Variants in KCNQ3 observed in about 807,000 individuals in gnomAD.
KCNQ3 encodes the protein potassium voltage-gated channel subfamily KQT member 3.
In KCNQ3, 30 loss-of-function variants were observed where a neutral mutation model predicts 92.5. That is an observed-to-expected ratio of 0.32 (90% CI 0.24 to 0.44). The LOEUF (loss-of-function observed/expected upper bound fraction) is 0.44, where lower values mean the gene tolerates loss of function less well. Among genes scored for constraint, KCNQ3 ranks in the 20% least tolerant of loss-of-function variants. The pLI is 1.00. For synonymous variants in KCNQ3, 450 were observed against 468.8 expected, an observed-to-expected ratio of 0.96 and a Z score of 0.52; for missense variants, 913 against 1,140.3, an observed-to-expected ratio of 0.80 and a Z score of 2.87.
chr8:132,463,738 G>C (rs1319010553), intron 1 of KCNQ3, among the ~76,000 whole-genome samples: 1 of 152,146 alleles, frequency 6.6e-6, no homozygotes, highest in African/African-American at 2.4e-5. Flanking sequence ...ACTTTATCAT[G>C]CTCTAGGACA....
chr8:132,209,372 A>C (rs1411375806), intron 1 of KCNQ3, among the ~76,000 whole-genome samples: 1 of 152,164 alleles, frequency 6.6e-6, no homozygotes, highest in Non-Finnish European at 1.5e-5. Context: ...AGCCTAACAC[A>C]GACTGAATGG....
In KCNQ3 at chr8:132,339,822, C is replaced by A. The variant is rs756932995; in HGVS notation, c.386+140325G>T. Among the ~76,000 whole-genome samples the A allele has an allele frequency of 3.3e-5, 5 of 151,962 alleles. No homozygotes were observed. In the East Asian group the frequency reaches 7.7e-4, roughly 23 times the overall value. On this transcript the variant is annotated intron_variant, in intron 1 of 14. Coordinates refer to ENST00000388996, the MANE Select transcript of KCNQ3 (RefSeq NM_004519.4). ...CATTCCCCAAAGCCTGGAATCCTGG[C>A]GACACCCAGACCCTGGGAACAGAGA...
At chr8:132,407,775 C>T (rs1383619836) in intron 1 of KCNQ3, among the ~76,000 whole-genome samples, 1 of 152,162 alleles carries the variant, frequency 6.6e-6, no homozygotes, top group African/African-American at 2.4e-5. Context: ...GTGCTGCCTC[C>T]CCAGAGTCTA....
chr8:132,130,105 C>T (rs528065765), intron 14 of KCNQ3, 109 bp from the exon 15 acceptor site: 74 of 1,172,366 alleles, frequency 6.3e-5, no homozygotes, highest in East Asian at 3.7e-4. Context: ...TTTTTTGAGA[C>T]GAAGTCTCAG....
At chr8:132,226,976 G>T (rs1367359219) in intron 1 of KCNQ3, among the ~76,000 whole-genome samples, 3 of 151,906 alleles carry the variant, frequency 2.0e-5, no homozygotes, top group African/African-American at 4.8e-5. Flanking sequence ...ATCTCAGAGA[G>T]CTTAAGTCAC....
At chr8:132,359,433 G>C (rs1819106267) in intron 1 of KCNQ3, among the ~76,000 whole-genome samples, 1 of 152,112 alleles carries the variant, frequency 6.6e-6, no homozygotes, top group Non-Finnish European at 1.5e-5. Flanking sequence ...GTGTCCTGCT[G>C]GGTGCTCCAG....
At chr8:132,382,425 T>C (rs1819776516) in intron 1 of KCNQ3, among the ~76,000 whole-genome samples, 1 of 152,124 alleles carries the variant, frequency 6.6e-6, no homozygotes, top group Admixed American at 6.5e-5. Context: ...CCTTCCCACT[T>C]CCGCATGAGT....
At chr8:132,146,458 A>T (rs573932805) in intron 9 of KCNQ3, among the ~76,000 whole-genome samples, 22 of 152,326 alleles carry the variant, frequency 1.4e-4, no homozygotes, top group African/African-American at 5.3e-4. Context: ...CAGAAAGTAG[A>T]ATGGTGGTTT....
rs1300639778 is a variant in KCNQ3 at position 132,126,835 on chromosome 8, C to A, written c.*2427G>T. 6.6e-6 allele frequency: 1 copy of A among 152,084 alleles called. No individual in the cohort carries two copies. The highest frequency in any genetic ancestry group is 6.6e-5 in the Admixed American group (1 of 15,262). The allele number at this position is 152,084 out of a possible 1,614,324, so 9.4% of individuals were successfully genotyped here. ...ATGGTAAATACTTTAAGGTAGAACT[C>A]CATTGAGTTGCTGGAAAATGCATCA... On this transcript the variant is annotated 3_prime_UTR_variant, in exon 15 of 15. Coordinates refer to ENST00000388996, the MANE Select transcript of KCNQ3 (RefSeq NM_004519.4).
intron 1 of KCNQ3, among the ~76,000 whole-genome samples, chr8:132,326,470 C>T (rs918114674): frequency 6.6e-6 from 1 of 152,200 alleles, no homozygotes; most frequent in African/African-American, 2.4e-5. Context: ...CCCTCATCCA[C>T]AGCTACAGTT....
chr8:132,241,037 C>T (rs62520360), intron 1 of KCNQ3, among the ~76,000 whole-genome samples: 67 of 151,690 alleles, frequency 4.4e-4, no homozygotes, highest in Non-Finnish European at 2.4e-4. Context: ...TACAGGCACA[C>T]GCCACCATGC....
At chr8:132,348,389 T>C (rs1818759271) in intron 1 of KCNQ3, among the ~76,000 whole-genome samples, 1 of 152,278 alleles carries the variant, frequency 6.6e-6, no homozygotes, top group South Asian at 2.1e-4. Flanking sequence ...AAATAGTATT[T>C]ACATTAGAAT....
At chr8:132,326,950 T>C (rs528940355) in intron 1 of KCNQ3, among the ~76,000 whole-genome samples, 1 of 152,378 alleles carries the variant, frequency 6.6e-6, no homozygotes, top group Admixed American at 6.5e-5. Context: ...TTTCCCTGTT[T>C]CATTTTCCAC....
chr8:132,132,125 A>T, intron 14 of KCNQ3, 55 bp downstream of exon 14: 1 of 1,137,446 alleles, frequency 8.8e-7, no homozygotes, highest in Non-Finnish European at 1.3e-6. Context: ...AAGAAATGGC[A>T]TTTGAAAATA....
At position 132,224,081 on chromosome 8, in the gene KCNQ3, A is replaced by ATTTTTTTTTTTTT. The variant is rs1164773143; in HGVS notation, c.387-37913_387-37901dup. Among the ~76,000 whole-genome samples, 111 of 39,478 alleles carry ATTTTTTTTTTTTT rather than the reference A, an allele frequency of 2.8e-3. 16 individuals are homozygous for ATTTTTTTTTTTTT. The highest frequency in any genetic ancestry group is 0.048 in the Middle Eastern group (2 of 42). The allele number at this position is 39,478 out of a possible 152,430, so 25.9% of individuals were successfully genotyped here. ...CAGACACACACCATCATGCCAGGCT[A>ATTTTTTTTTTTTT]TTTTTTTTTTTTTTTTTTTTTTTTT... On this transcript the variant is annotated intron_variant, in intron 1 of 14. Coordinates refer to ENST00000388996, the MANE Select transcript of KCNQ3 (RefSeq NM_004519.4).
rs185397703 is a variant in KCNQ3 at position 132,335,648 on chromosome 8, G to C, written c.386+144499C>G. Reference sequence around the variant, plus strand: ...TTTCATTCCTTACAACTGAAAAAAGGCAATTTCAAAAGAGAATCCAAATTC... The same window carrying C: ...TTTCATTCCTTACAACTGAAAAAAGCCAATTTCAAAAGAGAATCCAAATTC... On this transcript the variant is annotated intron_variant, in intron 1 of 14. Coordinates refer to ENST00000388996, the MANE Select transcript of KCNQ3 (RefSeq NM_004519.4). 5.9e-5 allele frequency among the ~76,000 whole-genome samples: 9 copies of C among 152,278 alleles called. No homozygotes were observed. The East Asian group carries it at 1.7e-3, about 29-fold the overall frequency.
chr8:132,295,927 CG>C (rs1293084571), intron 1 of KCNQ3, among the ~76,000 whole-genome samples: 2 of 151,902 alleles, frequency 1.3e-5, no homozygotes, highest in Non-Finnish European at 2.9e-5. Flanking sequence ...CTAATGCACA[CG>C]GGGCTTAATA....
intron 1 of KCNQ3, among the ~76,000 whole-genome samples, chr8:132,449,992 C>T (rs1012189510): frequency 6.6e-6 from 1 of 152,176 alleles, no homozygotes; most frequent in Non-Finnish European, 1.5e-5. Context: ...CACAGTCTTG[C>T]TGACTTTAAG....
At chr8:132,141,065 G>T in intron 10 of KCNQ3, 64 bp downstream of exon 10, 1 of 1,451,558 alleles carries the variant, frequency 6.9e-7, no homozygotes, top group Non-Finnish European at 9.7e-7. Flanking sequence ...GAGAGGTGAG[G>T]AAGGAAGTGG....
Sources: allele counts gnomAD v4.1 joint callset (sites outside exome capture counted in the v4.1 genomes callset), GRCh38; gene constraint gnomAD v4.1.1; transcripts MANE v1.5; gene names NCBI Gene and HGNC (gene_info 2026-07-23, HGNC 2026-07-21).